The following CRPPA variants were observed in gnomAD, a reference collection of about 807,000 sequenced individuals.
CRPPA encodes the protein D-ribitol-5-phosphate cytidylyltransferase.
CRPPA carries 43 observed loss-of-function variants against 52.0 expected under a neutral mutation model. The ratio of observed to expected loss-of-function variants is 0.83; its 90% CI spans 0.65 to 1.07. The LOEUF (loss-of-function observed/expected upper bound fraction) is 1.07. CRPPA is among the 50% of genes least tolerant of loss of function. CRPPA has a pLI of 0.00. For synonymous variants in CRPPA, 250 were observed against 203.5 expected, an observed-to-expected ratio of 1.23 and a Z score of -1.94; for missense variants, 629 against 551.7, an observed-to-expected ratio of 1.14 and a Z score of -1.40.
intron 3 of CRPPA, among the ~76,000 whole-genome samples, chr7:16,309,647 C>T (rs1180186951): frequency 6.6e-6 from 1 of 151,592 alleles, no homozygotes; most frequent in Non-Finnish European, 1.5e-5. Flanking sequence ...CTTGCTCTGT[C>T]TCCCAGACTG....
intron 9 of CRPPA, among the ~76,000 whole-genome samples, chr7:16,192,683 G>A (rs146900148): frequency 1.3e-5 from 2 of 152,166 alleles, no homozygotes; most frequent in Non-Finnish European, 2.9e-5. Context: ...GTTGTCGTAT[G>A]TCTGTAGATT....
chr7:16,140,845 T>C (rs1411522743), intron 9 of CRPPA, among the ~76,000 whole-genome samples: 1 of 152,236 alleles, frequency 6.6e-6, no homozygotes, highest in East Asian at 1.9e-4. Context: ...CTAAGAACTA[T>C]TCATTCATTT....
intron 6 of CRPPA, among the ~76,000 whole-genome samples, chr7:16,261,418 C>T (rs1783795030): frequency 6.6e-6 from 1 of 152,038 alleles, no homozygotes; most frequent in African/African-American, 2.4e-5. Context: ...GTCAATCATG[C>T]TGTTTTAAAT....
At chr7:16,349,989 T>C (rs1467300245) in intron 3 of CRPPA, among the ~76,000 whole-genome samples, 1 of 152,000 alleles carries the variant, frequency 6.6e-6, no homozygotes, top group Non-Finnish European at 1.5e-5. Context: ...AGACAGAATC[T>C]TGAAAGCAGC....
At chr7:16,314,561 C>A (rs905668490) in intron 3 of CRPPA, among the ~76,000 whole-genome samples, 1 of 151,956 alleles carries the variant, frequency 6.6e-6, no homozygotes, top group Non-Finnish European at 1.5e-5. Flanking sequence ...ATATAAATTT[C>A]TGGAGAAGAT....
intron 5 of CRPPA, among the ~76,000 whole-genome samples, chr7:16,280,947 G>A (rs1784308336): frequency 6.6e-6 from 1 of 152,146 alleles, no homozygotes; most frequent in East Asian, 1.9e-4. Flanking sequence ...TTGAACTCGG[G>A]AGGCAGAGGT....
intron 9 of CRPPA, among the ~76,000 whole-genome samples, chr7:16,196,380 AAT>A (rs773369258): frequency 1.1e-4 from 16 of 152,316 alleles, no homozygotes; most frequent in Non-Finnish European, 1.5e-4. Flanking sequence ...TGCTCAAAAA[AAT>A]ATATGTCTTC....
intron 9 of CRPPA, among the ~76,000 whole-genome samples, chr7:16,106,233 A>G (rs539239111): frequency 1.8e-4 from 27 of 152,238 alleles, no homozygotes; most frequent in Non-Finnish European, 1.3e-4. Context: ...TCTGCAAAAA[A>G]AACCCATCCT....
intron 1 of CRPPA, among the ~76,000 whole-genome samples, chr7:16,412,326 G>T (rs1227999365): frequency 6.6e-6 from 1 of 152,150 alleles, no homozygotes; most frequent in East Asian, 1.9e-4. Context: ...ATTAAAATGC[G>T]TAGCACAGAG....
chr7:16,256,769 G>C (rs1355824464), intron 8 of CRPPA, among the ~76,000 whole-genome samples: 1 of 152,048 alleles, frequency 6.6e-6, no homozygotes, highest in African/African-American at 2.4e-5. Context: ...GTTGGGGAGT[G>C]GGGGGCTGGG....
chr7:16,176,365 A>G (rs185908909), intron 9 of CRPPA, among the ~76,000 whole-genome samples: 421 of 152,260 alleles, frequency 2.8e-3, no homozygotes, highest in Middle Eastern at 0.01. Flanking sequence ...CTCTGACACC[A>G]ACCAAAGCGA....
chr7:16,342,477 T>C (rs971944495), intron 3 of CRPPA, among the ~76,000 whole-genome samples: 2 of 152,020 alleles, frequency 1.3e-5, no homozygotes, highest in Non-Finnish European at 2.9e-5. Flanking sequence ...GAAAGAGACA[T>C]TTAAAATATT....
At chr7:16,150,458 G>A (rs967710259) in intron 9 of CRPPA, among the ~76,000 whole-genome samples, 12 of 152,124 alleles carry the variant, frequency 7.9e-5, no homozygotes, top group African/African-American at 2.9e-4. Flanking sequence ...TGATAGGACT[G>A]AATTTGAAAG....
At chr7:16,327,444 T>C (rs1404682608) in intron 3 of CRPPA, among the ~76,000 whole-genome samples, 2 of 150,466 alleles carry the variant, frequency 1.3e-5, no homozygotes, top group Non-Finnish European at 3.0e-5. Context: ...TACAAAAAAA[T>C]TAGCCGGGCG....
intron 9 of CRPPA, among the ~76,000 whole-genome samples, chr7:16,149,481 C>T (rs1783033794): frequency 6.6e-6 from 1 of 152,078 alleles, no homozygotes; most frequent in Admixed American, 6.5e-5. Flanking sequence ...TTTCTCATTA[C>T]GGTCTGAGAA....
Position 16,391,642 on chromosome 7 carries a change from A to C in CRPPA, c.534+14419T>G, listed in dbSNP as rs372395535. ...TCCACTAGGAGCATTTTAAGTACTC[A>C]ATAGCCACATGTGACTAGTAGCTTA... On this transcript the variant is annotated intron_variant, in intron 2 of 9. Coordinates refer to ENST00000407010, the MANE Select transcript of CRPPA (RefSeq NM_001101426.4). Among the ~76,000 whole-genome samples, 42 of 152,254 alleles carry C rather than the reference A, an allele frequency of 2.8e-4. No individual in the cohort carries two copies. The South Asian group carries it at 8.7e-3, about 32-fold the overall frequency.
intron 3 of CRPPA, among the ~76,000 whole-genome samples, chr7:16,312,020 G>C (rs1183360407): frequency 6.6e-6 from 1 of 151,954 alleles, no homozygotes; most frequent in Admixed American, 6.6e-5. Context: ...CACAATTCCT[G>C]CAACTTTATA....
chr7:16,274,884 G>A (rs960479656), intron 6 of CRPPA, among the ~76,000 whole-genome samples: 1 of 152,096 alleles, frequency 6.6e-6, no homozygotes, highest in Non-Finnish European at 1.5e-5. Flanking sequence ...TTGAATCTCT[G>A]CAGACCCTTC....
intron 9 of CRPPA, among the ~76,000 whole-genome samples, chr7:16,139,184 G>A (rs1281009421): frequency 6.6e-6 from 1 of 152,138 alleles, no homozygotes; most frequent in East Asian, 1.9e-4. Flanking sequence ...GGAGTATTTG[G>A]AGGAATCCAA....
Sources: allele counts gnomAD v4.1 joint callset (sites outside exome capture counted in the v4.1 genomes callset), GRCh38; gene constraint gnomAD v4.1.1; transcripts MANE v1.5; gene names NCBI Gene and HGNC (gene_info 2026-07-23, HGNC 2026-07-21).